Variants in PRKCE observed in about 807,000 individuals in gnomAD.
PRKCE encodes the protein protein kinase C epsilon.
In PRKCE, 16 loss-of-function variants were observed where a neutral mutation model predicts 85.4. The ratio of observed to expected loss-of-function variants is 0.19; its 90% CI spans 0.13 to 0.28. PRKCE has a LOEUF of 0.28. Among genes scored for constraint, PRKCE ranks in the 10% least tolerant of loss-of-function variants. The probability of loss-of-function intolerance (pLI) is 1.00; values close to 1 mark genes in which losing one functional copy is unlikely to be tolerated. For synonymous variants in PRKCE, 388 were observed against 371.5 expected, an observed-to-expected ratio of 1.04 and a Z score of -0.51; for missense variants, 573 against 975.2, an observed-to-expected ratio of 0.59 and a Z score of 5.49.
intron 3 of PRKCE, 89 bp from the exon 4 acceptor site, chr2:45,978,887 G>A: frequency 1.8e-6 from 2 of 1,090,532 alleles, no homozygotes; most frequent in Non-Finnish European, 2.8e-6. Context: ...TGCTATGTGG[G>A]TGGTGGCCCA....
At position 46,185,599 on chromosome 2, in the gene PRKCE, C is replaced by T. The variant is rs967942381; in HGVS notation, c.*718C>T. On this transcript the variant is annotated 3_prime_UTR_variant, in exon 15 of 15. Coordinates refer to ENST00000306156, the MANE Select transcript of PRKCE (RefSeq NM_005400.3). This position sits in a 1 kb window ranked among gnomAD's most constrained non-coding sequence, Gnocchi z 4.7. ...CATTTGAAAAATATATTTTCAAATT[C>T]ACTTTCTAATTGGCCAAAAGAGATG... 1 of 152,624 alleles carries T rather than the reference C, an allele frequency of 6.6e-6. No homozygotes were observed. Among genetic ancestry groups the T allele is most frequent in the African/African-American group, 2.4e-5 (1 of 41,434 alleles). 9.5% of individuals were successfully genotyped at this position (152,624 alleles called of 1,614,324 possible). A position where few individuals can be genotyped will look rare whatever the true frequency, so the allele number is the denominator to read the frequency against.
chr2:45,735,962 A>AT (rs1178174659), intron 1 of PRKCE, among the ~76,000 whole-genome samples: 9 of 151,886 alleles, frequency 5.9e-5, no homozygotes, highest in Admixed American at 5.9e-4. Context: ...TGACATACAC[A>AT]TTTTCTTTTT....
At chr2:45,792,063 T>A (rs922403911) in intron 1 of PRKCE, among the ~76,000 whole-genome samples, 1 of 152,272 alleles carries the variant, frequency 6.6e-6, no homozygotes, top group African/African-American at 2.4e-5. Context: ...AGAGCCTTGC[T>A]TAGTTCATGG....
chr2:45,705,592 T>C (rs1208160290), intron 1 of PRKCE, among the ~76,000 whole-genome samples: 1 of 152,218 alleles, frequency 6.6e-6, no homozygotes, highest in African/African-American at 2.4e-5. Flanking sequence ...TCTGTTTTTT[T>C]CCACTGTCAG....
intron 9 of PRKCE, among the ~76,000 whole-genome samples, chr2:46,007,898 A>G (rs1447234443): frequency 6.6e-6 from 1 of 152,164 alleles, no homozygotes; most frequent in Non-Finnish European, 1.5e-5. Flanking sequence ...AATTTTTCTC[A>G]TTTGTTGAAT....
At chr2:45,931,719 T>C (rs763098344) in intron 2 of PRKCE, among the ~76,000 whole-genome samples, 35 of 152,100 alleles carry the variant, frequency 2.3e-4, no homozygotes, top group Non-Finnish European at 3.8e-4. Context: ...CTGAATTTTT[T>C]TTTTTGAGAG....
intron 1 of PRKCE, among the ~76,000 whole-genome samples, chr2:45,728,491 ATGC>A (rs918137923): frequency 2.3e-4 from 35 of 152,274 alleles, no homozygotes; most frequent in African/African-American, 7.9e-4. Context: ...CCTCTTGTGC[ATGC>A]TGCTTGCTTT....
At chr2:46,053,588 C>T (rs143231107) in intron 10 of PRKCE, among the ~76,000 whole-genome samples, 4 of 152,304 alleles carry the variant, frequency 2.6e-5, no homozygotes, top group East Asian at 1.9e-4. Context: ...CTCATGTGAG[C>T]GGAGTCATAC....
intron 11 of PRKCE, among the ~76,000 whole-genome samples, chr2:46,115,752 C>G (rs1443177912): frequency 6.6e-6 from 1 of 152,206 alleles, no homozygotes. Flanking sequence ...CAGCTTGGAA[C>G]CAGACACAGG....
chr2:45,979,606 G>A (rs1450541562), intron 4 of PRKCE, among the ~76,000 whole-genome samples: 1 of 152,194 alleles, frequency 6.6e-6, no homozygotes, highest in Non-Finnish European at 1.5e-5. Context: ...TCATGCGGTG[G>A]TTTTGCTGAG....
chr2:45,865,560 G>A (rs1693524580), intron 2 of PRKCE, among the ~76,000 whole-genome samples: 2 of 152,188 alleles, frequency 1.3e-5, no homozygotes, highest in East Asian at 3.9e-4. Context: ...ATTAAGCGCT[G>A]GGGTTTTGAA....
intron 1 of PRKCE, among the ~76,000 whole-genome samples, chr2:45,779,222 A>C (rs894347153): frequency 1.3e-5 from 2 of 152,218 alleles, no homozygotes; most frequent in Non-Finnish European, 2.9e-5. Context: ...GTCCAGACAC[A>C]GTGGCAAGGC....
intron 1 of PRKCE, among the ~76,000 whole-genome samples, chr2:45,841,003 C>T (rs1691301515): frequency 1.3e-5 from 2 of 152,162 alleles, no homozygotes; most frequent in Non-Finnish European, 2.9e-5. Flanking sequence ...GTTCTGAACA[C>T]AGAGCCTTTT....
chr2:46,018,660 T>G (rs976748409), intron 10 of PRKCE, among the ~76,000 whole-genome samples: 1 of 152,204 alleles, frequency 6.6e-6, no homozygotes, highest in Admixed American at 6.5e-5. Flanking sequence ...ATAAGAACAA[T>G]TCACATGACT....
Position 45,652,485 on chromosome 2 carries a change from G to C in PRKCE, c.348+37G>C. 1.3e-6 allele frequency: 2 copies of C among 1,539,646 alleles called. No homozygotes were observed. Among genetic ancestry groups the C allele is most frequent in the Admixed American group, 1.8e-5 (1 of 55,566 alleles). ...GCCTCCCCGTCATTCCGGGAACCCG[G>C]TTGTGGGGTCCCGGGGAAAGACTCG... On this transcript the variant is annotated intron_variant, in intron 1 of 14. Coordinates refer to ENST00000306156, the MANE Select transcript of PRKCE (RefSeq NM_005400.3). This position sits in a 1 kb window ranked among gnomAD's most constrained non-coding sequence, Gnocchi z 7.7.
At chr2:46,161,589 G>A (rs1034926394) in intron 14 of PRKCE, among the ~76,000 whole-genome samples, 32 of 152,172 alleles carry the variant, frequency 2.1e-4, no homozygotes, top group African/African-American at 7.7e-4. Context: ...GGGAAGAGTG[G>A]GGAGGACAAG....
At chr2:45,995,817 T>C (rs1327435552) in intron 6 of PRKCE, among the ~76,000 whole-genome samples, 2 of 152,196 alleles carry the variant, frequency 1.3e-5, no homozygotes, top group Non-Finnish European at 2.9e-5. Flanking sequence ...TCTTCAATAT[T>C]GTGTTAGCCT....
chr2:45,678,316 A>G (rs1239341077), intron 1 of PRKCE, among the ~76,000 whole-genome samples: 3 of 152,244 alleles, frequency 2.0e-5, no homozygotes, highest in Admixed American at 2.0e-4. Context: ...AAAGTTAAGA[A>G]TTTAAATTTT....
chr2:46,079,504 A>G (rs1668866213), intron 10 of PRKCE, among the ~76,000 whole-genome samples: 2 of 152,202 alleles, frequency 1.3e-5, no homozygotes, highest in Admixed American at 6.5e-5. Context: ...GATAGGTTAG[A>G]TGATATAGAC....
Sources: gnomAD v4.1 joint callset for allele counts (sites outside exome capture counted in the v4.1 genomes callset) on GRCh38, gnomAD v4.1.1 for gene constraint, Gnocchi (gnomAD v3.1) non-coding constraint, MANE v1.5 for transcripts, NCBI Gene and HGNC (gene_info 2026-07-23, HGNC 2026-07-21) for gene names.